The following KCNQ5 variants were observed in gnomAD, a reference collection of about 807,000 sequenced individuals.
The protein encoded by KCNQ5 is potassium voltage-gated channel subfamily Q member 5, also known as potassium voltage-gated channel subfamily KQT member 5.
A neutral mutation model predicts 98.2 loss-of-function variants in KCNQ5; 30 were observed. The observed-to-expected ratio is 0.31, with a 90% confidence interval of 0.23 to 0.41. KCNQ5 has a LOEUF of 0.41. Among genes scored for constraint, KCNQ5 ranks in the 10% least tolerant of loss-of-function variants. The pLI, the probability that KCNQ5 is intolerant of heterozygous loss-of-function variation, is 1.00. For synonymous variants in KCNQ5, 458 were observed against 449.4 expected (o/e 1.02, Z -0.24); for missense variants, 835 against 1,182.5 (o/e 0.71, Z 4.31).
intron 5 of KCNQ5, among the ~76,000 whole-genome samples, chr6:73,078,458 C>T (rs571249537): frequency 3.8e-4 from 58 of 152,188 alleles, no homozygotes; most frequent in Middle Eastern, 3.4e-3. Context: ...ATGATTCTTA[C>T]ATAGAAAGAA....
In KCNQ5 at chr6:73,101,000, A is replaced by T. The variant is rs537043888; in HGVS notation, c.919-4257A>T. Among the ~76,000 whole-genome samples, 17 of 152,270 alleles carry T rather than the reference A, an allele frequency of 1.1e-4. No individual in the cohort carries two copies. In the South Asian group the frequency reaches 3.3e-3, roughly 30 times the overall value. On this transcript the variant is annotated intron_variant, in intron 5 of 13. Coordinates refer to ENST00000370398, the MANE Select transcript of KCNQ5 (RefSeq NM_019842.4). ...TGAGATTGAAGCCATAAAAAAAATTATCCCAGCAAAGAAAAACCTGAAACC... is the reference window on the plus strand; with the variant it reads ...TGAGATTGAAGCCATAAAAAAAATTTTCCCAGCAAAGAAAAACCTGAAACC...
At chr6:72,699,388 C>T (rs1768680771) in intron 1 of KCNQ5, among the ~76,000 whole-genome samples, 2 of 152,196 alleles carry the variant, frequency 1.3e-5, no homozygotes, top group South Asian at 4.1e-4. Context: ...TAGAGATTCA[C>T]AAATTGCTCC....
At chr6:72,958,249 A>G (rs1767179795) in intron 1 of KCNQ5, among the ~76,000 whole-genome samples, 1 of 152,184 alleles carries the variant, frequency 6.6e-6, no homozygotes, top group South Asian at 2.1e-4. Context: ...TAGCCTCCCC[A>G]TCCCCATCCC....
intron 1 of KCNQ5, among the ~76,000 whole-genome samples, chr6:72,898,222 A>G (rs1281721804): frequency 6.6e-6 from 1 of 152,094 alleles, no homozygotes; most frequent in Non-Finnish European, 1.5e-5. Flanking sequence ...TTACATAGGT[A>G]TATGTGTGCC....
At chr6:72,932,260 G>A (rs2150230408) in intron 1 of KCNQ5, among the ~76,000 whole-genome samples, 1 of 152,098 alleles carries the variant, frequency 6.6e-6, no homozygotes, top group Admixed American at 6.6e-5. Context: ...GTTTGTGTGT[G>A]TGTGCGTGTG....
chr6:72,888,375 A>C (rs916866828), intron 1 of KCNQ5, among the ~76,000 whole-genome samples: 8 of 152,176 alleles, frequency 5.3e-5, no homozygotes, highest in Admixed American at 5.2e-4. Flanking sequence ...CTTTAATATG[A>C]CGCTGTGCAC....
intron 1 of KCNQ5, among the ~76,000 whole-genome samples, chr6:72,633,747 G>C (rs1444717392): frequency 6.6e-6 from 1 of 152,176 alleles, no homozygotes; most frequent in Non-Finnish European, 1.5e-5. Flanking sequence ...CTTACGATCT[G>C]ATCTTCAATA....
intron 2 of KCNQ5, among the ~76,000 whole-genome samples, chr6:73,009,180 CA>C (rs1351761884): frequency 2.0e-5 from 3 of 151,898 alleles, no homozygotes; most frequent in Non-Finnish European, 4.4e-5. Context: ...TTAGTAGAGG[CA>C]GGGTTTCACC....
At chr6:72,735,604 T>G (rs1366314515) in intron 1 of KCNQ5, among the ~76,000 whole-genome samples, 4 of 152,120 alleles carry the variant, frequency 2.6e-5, no homozygotes, top group African/African-American at 9.6e-5. Context: ...TATTTTTCAT[T>G]TTTTTCAAAA....
intron 1 of KCNQ5, among the ~76,000 whole-genome samples, chr6:72,700,557 A>G (rs1358102481): frequency 6.6e-6 from 1 of 152,228 alleles, no homozygotes; most frequent in African/African-American, 2.4e-5. Flanking sequence ...AGGTGCCACA[A>G]GTAACTTTTT....
At chr6:73,172,018 A>G (rs1778033124) in intron 11 of KCNQ5, among the ~76,000 whole-genome samples, 1 of 151,162 alleles carries the variant, frequency 6.6e-6, no homozygotes, top group Non-Finnish European at 1.5e-5. Context: ...ACAGCTTAAG[A>G]TTTACTTTGT....
chr6:72,815,166 A>G (rs1280055204), intron 1 of KCNQ5, among the ~76,000 whole-genome samples: 2 of 152,156 alleles, frequency 1.3e-5, no homozygotes, highest in African/African-American at 2.4e-5. Flanking sequence ...CAAGGAGCCT[A>G]TAGAGTCAGG....
intron 1 of KCNQ5, among the ~76,000 whole-genome samples, chr6:72,695,786 C>T (rs886659260): frequency 6.6e-6 from 1 of 151,990 alleles, no homozygotes; most frequent in African/African-American, 2.4e-5. Context: ...AAGAGCTGGG[C>T]GAGGTGGCTC....
At chr6:73,000,476 A>G (rs1769511552) in intron 1 of KCNQ5, among the ~76,000 whole-genome samples, 1 of 152,182 alleles carries the variant, frequency 6.6e-6, no homozygotes, top group African/African-American at 2.4e-5. Flanking sequence ...GGGGAAAAAA[A>G]TACTTCCATA....
intron 1 of KCNQ5, among the ~76,000 whole-genome samples, chr6:72,881,288 C>G (rs2150173120): frequency 6.6e-6 from 1 of 152,252 alleles, no homozygotes; most frequent in Non-Finnish European, 1.5e-5. Context: ...CCTTAGAATC[C>G]TCAATGGTAG....
chr6:72,698,648 C>CTTCTTTTTTTTTTTTT (rs1554689823), intron 1 of KCNQ5, among the ~76,000 whole-genome samples: 8 of 94,002 alleles, frequency 8.5e-5, no homozygotes, highest in East Asian at 8.5e-4. Flanking sequence ...TCTTCTTCTT[C>CTTCTTTTTTTTTTTTT]TTTTTTTTTT....
Position 73,048,678 on chromosome 6 carries a change from G to A in KCNQ5, c.616+6616G>A, listed in dbSNP as rs145347587. The stretch of plus-strand genomic sequence containing the variant: ...AATATACAAATTATTACCCATTTAT[G>A]TTTATAAAAAACATAAACATAAGTT... On this transcript the variant is annotated intron_variant, in intron 3 of 13. Transcript: ENST00000370398. Among the ~76,000 whole-genome samples the A allele has an allele frequency of 8.8e-3, 1,339 of 152,208 alleles. 8 individuals are homozygous for A. The highest frequency in any genetic ancestry group is 0.047 in the East Asian group (242 of 5,184).
intron 2 of KCNQ5, among the ~76,000 whole-genome samples, chr6:73,018,478 C>T (rs1770451186): frequency 6.6e-6 from 1 of 151,752 alleles, no homozygotes; most frequent in Non-Finnish European, 1.5e-5. Context: ...CAAACATTTC[C>T]TTAAGTCACT....
chr6:72,655,080 CTTTCTTTCTTTCT>C (rs1168924348), intron 1 of KCNQ5, among the ~76,000 whole-genome samples: 15 of 144,828 alleles, frequency 1.0e-4, no homozygotes, highest in Non-Finnish European at 1.7e-4. Flanking sequence ...TTCTTTCTTT[CTTTCTTTCTTTCT>C]TTCTGTTTTT....
Sources: allele counts gnomAD v4.1 joint callset (sites outside exome capture counted in the v4.1 genomes callset), GRCh38; gene constraint gnomAD v4.1.1; transcripts MANE v1.5; gene names NCBI Gene and HGNC (gene_info 2026-07-23, HGNC 2026-07-21).